GPHN: variants seen among roughly 807,000 people sequenced by gnomAD.
The protein encoded by GPHN is gephyrin.
GPHN carries 17 observed loss-of-function variants against 95.5 expected under a neutral mutation model. The ratio of observed to expected loss-of-function variants is 0.18; its 90% CI spans 0.12 to 0.27. GPHN has a LOEUF of 0.27. Ranked by LOEUF, GPHN falls within the 10% of genes least tolerant of loss-of-function variation. The probability of loss-of-function intolerance (pLI) is 1.00; values close to 1 mark genes in which losing one functional copy is unlikely to be tolerated. For missense variants in GPHN, 660 were observed against 978.1 expected (o/e 0.67, Z 4.34); for synonymous variants, 320 against 322.5 (o/e 0.99, Z 0.08).
At chr14:66,909,572 C>CT (rs2065565687) in intron 5 of GPHN, among the ~76,000 whole-genome samples, 1 of 151,946 alleles carries the variant, frequency 6.6e-6, no homozygotes, top group African/African-American at 2.4e-5. Flanking sequence ...GTCATATGAC[C>CT]TTCTCAATTG....
At chr14:67,293,362 T>G in the GPHN span, among the ~76,000 whole-genome samples, 2 of 152,166 alleles carry the variant, frequency 1.3e-5, no homozygotes, top group African/African-American at 4.8e-5. Flanking sequence ...TCTAGCGTTT[T>G]AAGTTATTTT....
At position 66,767,394 on chromosome 14, in the gene GPHN, AT is replaced by A. The variant is rs112817205; in HGVS notation, c.144-9068del. Among the ~76,000 whole-genome samples, 461 of 150,414 alleles carry A rather than the reference AT, an allele frequency of 3.1e-3. 10 individuals carry two copies. Among genetic ancestry groups the A allele is most frequent in the African/African-American group, 0.011 (437 of 41,222 alleles). On this transcript the variant is annotated intron_variant, in intron 2 of 22. Transcript: ENST00000478722. Reference sequence around the variant, plus strand: ...CAGGCTGCCAAGGAGTACTAGAGAGATTATCATCCTTTCTATTTGTTCTATT... The same window carrying A: ...CAGGCTGCCAAGGAGTACTAGAGAGATATCATCCTTTCTATTTGTTCTATT...
chr14:67,181,043 C>G lies in GPHN; in HGVS notation c.*106C>G. The G allele has an allele frequency of 9.8e-7, 1 of 1,020,464 alleles. No individual in the cohort carries two copies. Among genetic ancestry groups the G allele is most frequent in the Non-Finnish European group, 1.5e-6 (1 of 652,202 alleles). 63.2% of individuals were successfully genotyped at this position (1,020,464 alleles called of 1,614,324 possible). On this transcript the variant is annotated 3_prime_UTR_variant, in exon 23 of 23. Transcript: ENST00000478722. Reference sequence around the variant, plus strand: ...TTTCCCGATTTGGATAAAAGTTGATCTGTATAGTCAACATCTTGAACTATA... The same window carrying G: ...TTTCCCGATTTGGATAAAAGTTGATGTGTATAGTCAACATCTTGAACTATA...
At chr14:66,717,109 T>C (rs997067884) in intron 2 of GPHN, among the ~76,000 whole-genome samples, 3 of 152,216 alleles carry the variant, frequency 2.0e-5, no homozygotes, top group Non-Finnish European at 4.4e-5. Flanking sequence ...TTTAGAATTC[T>C]CTTCTTCCTC....
At chr14:67,651,575 T>G in the GPHN span, 1 of 1,390,440 alleles carries the variant, frequency 7.2e-7, no homozygotes, top group Non-Finnish European at 9.7e-7. Flanking sequence ...GGCTGGATAC[T>G]CTGAGGCTGT....
At chr14:67,004,602 A>G (rs1486308990) in intron 9 of GPHN, among the ~76,000 whole-genome samples, 2 of 151,792 alleles carry the variant, frequency 1.3e-5, no homozygotes, top group Non-Finnish European at 3.0e-5. Flanking sequence ...AAAAGTCTGT[A>G]GGAAAATCAC....
chr14:67,219,125 T>C, the GPHN span, among the ~76,000 whole-genome samples: 1 of 152,080 alleles, frequency 6.6e-6, no homozygotes, highest in Non-Finnish European at 1.5e-5. Flanking sequence ...AGTGCATACC[T>C]TGTGCTCTTA....
chr14:66,608,278 A>G (rs1398402853), intron 1 of GPHN, among the ~76,000 whole-genome samples: 1 of 151,002 alleles, frequency 6.6e-6, no homozygotes, highest in Non-Finnish European at 1.5e-5. Context: ...CTTCCTTTTC[A>G]TGTATATGTG....
chr14:66,684,730 G>T (rs1312345433), intron 2 of GPHN, among the ~76,000 whole-genome samples: 1 of 149,640 alleles, frequency 6.7e-6, no homozygotes, highest in Non-Finnish European at 1.5e-5. Context: ...AGACTTTCTG[G>T]TCTTGCTACT....
intron 1 of GPHN, among the ~76,000 whole-genome samples, chr14:66,626,320 A>G (rs2063526802): frequency 6.6e-6 from 1 of 152,130 alleles, no homozygotes. Context: ...ATTAAATATG[A>G]TGTTTCTCCA....
chr14:67,583,775 C>G, the GPHN span: 1 of 1,612,372 alleles, frequency 6.2e-7, no homozygotes, highest in Non-Finnish European at 8.5e-7. Context: ...CCTGCCCTGC[C>G]AGGCCCTGGA....
chr14:66,554,546 A>G (rs144396336), intron 1 of GPHN, among the ~76,000 whole-genome samples: 3 of 152,280 alleles, frequency 2.0e-5, no homozygotes, highest in South Asian at 2.1e-4. Context: ...AGGAAAAACT[A>G]TCATTTATAA....
chr14:66,693,613 C>A (rs890175430), intron 2 of GPHN, among the ~76,000 whole-genome samples: 2 of 152,148 alleles, frequency 1.3e-5, no homozygotes, highest in Non-Finnish European at 2.9e-5. Context: ...CCTATTTGCT[C>A]TATTTCGGTC....
chr14:67,130,938 GT>G (rs1238406259), intron 17 of GPHN, among the ~76,000 whole-genome samples: 3 of 152,002 alleles, frequency 2.0e-5, no homozygotes, highest in African/African-American at 7.3e-5. Context: ...GTCTGTTCAG[GT>G]TTTTTGCCCA....
chr14:66,953,394 A>G (rs1316390082), intron 8 of GPHN, among the ~76,000 whole-genome samples: 2 of 152,070 alleles, frequency 1.3e-5, no homozygotes, highest in South Asian at 2.1e-4. Flanking sequence ...CTAAAAATCC[A>G]TCACCAAAGT....
At chr14:67,668,451 T>C in the GPHN span, among the ~76,000 whole-genome samples, 2 of 152,254 alleles carry the variant, frequency 1.3e-5, no homozygotes, top group East Asian at 1.9e-4. Flanking sequence ...GAATGGAGAC[T>C]GTACTTTGGA....
At chr14:66,821,184 A>T (rs912179312) in intron 3 of GPHN, among the ~76,000 whole-genome samples, 1 of 152,190 alleles carries the variant, frequency 6.6e-6, no homozygotes, top group Non-Finnish European at 1.5e-5. Context: ...TAACTAAGCT[A>T]AGATAAATTA....
the GPHN span, among the ~76,000 whole-genome samples, chr14:67,287,501 G>A: frequency 1.3e-5 from 2 of 152,142 alleles, no homozygotes; most frequent in Non-Finnish European, 2.9e-5. Flanking sequence ...GCTATAACTT[G>A]TAAAAATATG....
intron 2 of GPHN, among the ~76,000 whole-genome samples, chr14:66,747,882 C>CA (rs747477403): frequency 6.6e-6 from 1 of 151,694 alleles, no homozygotes. Flanking sequence ...TTTTAAATGC[C>CA]AAATTATTTA....
Sources: gnomAD v4.1 joint callset for allele counts (sites outside exome capture counted in the v4.1 genomes callset) on GRCh38, gnomAD v4.1.1 for gene constraint, MANE v1.5 for transcripts, NCBI Gene and HGNC (gene_info 2026-07-23, HGNC 2026-07-21) for gene names.